Variants in NDUFAF2 observed in about 807,000 individuals in gnomAD.
NDUFAF2 encodes NADH dehydrogenase [ubiquinone] 1 alpha subcomplex assembly factor 2.
In NDUFAF2, 13 loss-of-function variants were observed where a neutral mutation model predicts 22.8. That is an observed-to-expected ratio of 0.57 (90% CI 0.37 to 0.91). NDUFAF2 has a LOEUF of 0.91. Ranked by LOEUF, NDUFAF2 falls within the 40% of genes least tolerant of loss-of-function variation. The pLI is 0.01. For synonymous variants in NDUFAF2, 53 were observed against 64.2 expected (o/e 0.83, Z 0.84); for missense variants, 162 against 195.2 (o/e 0.83, Z 1.01).
chr5:61,037,916 C>A (rs930995606), intron 1 of NDUFAF2, among the ~76,000 whole-genome samples: 1 of 151,706 alleles, frequency 6.6e-6, no homozygotes, highest in Non-Finnish European at 1.5e-5. Flanking sequence ...GTAATACAGG[C>A]ACATGGTGCA....
intron 1 of NDUFAF2, among the ~76,000 whole-genome samples, chr5:61,011,353 C>T (rs1454236446): frequency 6.6e-6 from 1 of 152,064 alleles, no homozygotes. Flanking sequence ...GTGTCTGCCC[C>T]ACTTTTGAGT....
intron 3 of NDUFAF2, among the ~76,000 whole-genome samples, chr5:61,114,211 T>G (rs781604835): frequency 3.1e-4 from 47 of 152,226 alleles, no homozygotes; most frequent in Admixed American, 6.5e-4. Context: ...TGGTTCCTTG[T>G]TTTTTATTCT....
At chr5:61,034,762 C>T (rs1426079248) in intron 1 of NDUFAF2, among the ~76,000 whole-genome samples, 1 of 152,038 alleles carries the variant, frequency 6.6e-6, no homozygotes, top group East Asian at 1.9e-4. Context: ...GACAGTTGCT[C>T]AAATTAGTAA....
chr5:61,148,928 T>C (rs927802659), intron 3 of NDUFAF2, among the ~76,000 whole-genome samples: 20 of 152,320 alleles, frequency 1.3e-4, no homozygotes, highest in Middle Eastern at 3.4e-3. Context: ...TAGAGGTTAC[T>C]TAAGGGGAAC....
chr5:60,980,985 A>T (rs1337419462), intron 1 of NDUFAF2, among the ~76,000 whole-genome samples: 1 of 152,174 alleles, frequency 6.6e-6, no homozygotes, highest in African/African-American at 2.4e-5. Flanking sequence ...GAACTCAAAA[A>T]GGAGATAAAG....
intron 1 of NDUFAF2, among the ~76,000 whole-genome samples, chr5:60,961,927 C>T (rs1412529478): frequency 6.6e-6 from 1 of 151,474 alleles, no homozygotes; most frequent in Admixed American, 6.6e-5. Flanking sequence ...CATCACTGCA[C>T]TCCAGCCTGA....
intron 1 of NDUFAF2, among the ~76,000 whole-genome samples, chr5:60,978,119 G>T (rs572663759): frequency 1.3e-5 from 2 of 152,264 alleles, no homozygotes; most frequent in African/African-American, 4.8e-5. Flanking sequence ...CATTGCGTTA[G>T]AACTCAGTGC....
intron 2 of NDUFAF2, among the ~76,000 whole-genome samples, chr5:61,097,993 A>G (rs986451241): frequency 9.2e-5 from 14 of 152,326 alleles, no homozygotes; most frequent in African/African-American, 3.1e-4. Flanking sequence ...TCCCTACAAT[A>G]TATTTTCTCA....
At chr5:61,150,358 T>C (rs1043666820) in intron 3 of NDUFAF2, among the ~76,000 whole-genome samples, 3 of 152,216 alleles carry the variant, frequency 2.0e-5, no homozygotes, top group Non-Finnish European at 4.4e-5. Flanking sequence ...AAAAGGAAAT[T>C]CTTTTTTAGG....
chr5:61,004,949 T>A (rs955633598), intron 1 of NDUFAF2, among the ~76,000 whole-genome samples: 1 of 56,736 alleles, frequency 1.8e-5, no homozygotes, highest in Non-Finnish European at 4.5e-5. Flanking sequence ...ATTTTTCTTA[T>A]TATTATAGTT....
intron 1 of NDUFAF2, among the ~76,000 whole-genome samples, chr5:61,028,166 G>A (rs1403239439): frequency 6.6e-6 from 1 of 152,038 alleles, no homozygotes; most frequent in Non-Finnish European, 1.5e-5. Flanking sequence ...TGAGGATGTG[G>A]CATTTGAAAA....
chr5:60,966,843 C>A lies in NDUFAF2; in HGVS notation c.127+21461C>A, dbSNP rs967338712. ...CTATTTAGAGTCTTTGGTGGCTTCA[C>A]TGAAATTTTAGGATTGTTTTTCACT... On this transcript the variant is annotated intron_variant, in intron 1 of 3. Transcript: ENST00000296597. 3.7e-4 allele frequency among the ~76,000 whole-genome samples: 56 copies of A among 152,036 alleles called. 1 individual carries two copies. The highest frequency in any genetic ancestry group is 3.5e-3 in the Admixed American group (53 of 15,272).
At chr5:60,988,266 A>G (rs563922016) in intron 1 of NDUFAF2, among the ~76,000 whole-genome samples, 3 of 152,304 alleles carry the variant, frequency 2.0e-5, no homozygotes, top group Admixed American at 2.0e-4. Context: ...ACACTGCTCA[A>G]AGAAATTAGA....
intron 1 of NDUFAF2, among the ~76,000 whole-genome samples, chr5:60,948,946 C>T (rs1750503892): frequency 6.6e-6 from 1 of 152,174 alleles, no homozygotes; most frequent in South Asian, 2.1e-4. Context: ...TCCTTATCAA[C>T]ACTTGGTATG....
intron 1 of NDUFAF2, among the ~76,000 whole-genome samples, chr5:60,996,937 G>A (rs1751235862): frequency 6.6e-6 from 1 of 152,122 alleles, no homozygotes; most frequent in Non-Finnish European, 1.5e-5. Context: ...TACTATGAAA[G>A]CTCACCTGAT....
intron 1 of NDUFAF2, among the ~76,000 whole-genome samples, chr5:60,973,098 T>G (rs373171529): frequency 6.6e-6 from 1 of 152,170 alleles, no homozygotes; most frequent in African/African-American, 2.4e-5. Flanking sequence ...TAGGTTGTCT[T>G]GCACTCTGAT....
At chr5:61,063,156 A>G (rs553966220) in intron 1 of NDUFAF2, among the ~76,000 whole-genome samples, 4 of 152,086 alleles carry the variant, frequency 2.6e-5, no homozygotes, top group African/African-American at 9.7e-5. Flanking sequence ...ATACTTTAGT[A>G]TTGTAAAGGT....
intron 1 of NDUFAF2, among the ~76,000 whole-genome samples, chr5:60,945,849 G>T (rs1363826491): frequency 3.9e-5 from 6 of 152,338 alleles, no homozygotes; most frequent in Non-Finnish European, 8.8e-5. Flanking sequence ...TTGAAGAGGA[G>T]TATCTTCAGC....
intron 2 of NDUFAF2, among the ~76,000 whole-genome samples, chr5:61,090,273 G>A (rs1349611634): frequency 6.6e-6 from 1 of 151,930 alleles, no homozygotes; most frequent in Non-Finnish European, 1.5e-5. Context: ...GGTTTTTTAT[G>A]GGCCACTTAG....
Sources: allele counts gnomAD v4.1 joint callset (sites outside exome capture counted in the v4.1 genomes callset), GRCh38; gene constraint gnomAD v4.1.1; transcripts MANE v1.5; gene names NCBI Gene and HGNC (gene_info 2026-07-23, HGNC 2026-07-21).